The following MAP7 variants were observed in gnomAD, a reference collection of about 807,000 sequenced individuals.
The protein encoded by MAP7 is microtubule associated protein 7.
In MAP7, 52 loss-of-function variants were observed where a neutral mutation model predicts 94.8. That is an observed-to-expected ratio of 0.55 (90% confidence interval 0.44 to 0.69). The LOEUF is 0.69. Among genes scored for constraint, MAP7 ranks in the 30% least tolerant of loss-of-function variants. The probability of loss-of-function intolerance (pLI) is 0.00; values close to 1 mark genes in which losing one functional copy is unlikely to be tolerated. For missense variants in MAP7, 940 were observed against 964.6 expected (o/e 0.97, Z 0.34); for synonymous variants, 350 against 357.0 (o/e 0.98, Z 0.22).
intron 6 of MAP7, among the ~76,000 whole-genome samples, chr6:136,378,182 G>A (rs1341933641): frequency 2.0e-5 from 3 of 152,066 alleles, no homozygotes; most frequent in Non-Finnish European, 4.4e-5. Context: ...TATTGTTTTG[G>A]TGTATATCTA....
intron 10 of MAP7, chr6:136,364,186 A>G: frequency 2.0e-6 from 1 of 512,630 alleles, no homozygotes; most frequent in Admixed American, 2.0e-5. Flanking sequence ...CTCATTCTGC[A>G]TGAGGGTGAG....
intron 1 of MAP7, among the ~76,000 whole-genome samples, chr6:136,489,882 C>T (rs1178195674): frequency 6.6e-6 from 1 of 152,104 alleles, no homozygotes; most frequent in African/African-American, 2.4e-5. Context: ...AGACAAATCC[C>T]CATGGCAGTC....
At chr6:136,436,922 T>A (rs1375579214) in intron 1 of MAP7, among the ~76,000 whole-genome samples, 2 of 152,208 alleles carry the variant, frequency 1.3e-5, no homozygotes, top group African/African-American at 4.8e-5. Context: ...GCCTGCAGAA[T>A]GGTCAAATTA....
rs1198247942 is a variant in MAP7, at chr6:136,344,161, G to A, written c.*67C>T. ...GTGGAGGGGATGCTCCTTTATAGCAGGAAAGGAATTCCATTAATTGTAGAA... is the reference window on the plus strand; with the variant it reads ...GTGGAGGGGATGCTCCTTTATAGCAAGAAAGGAATTCCATTAATTGTAGAA... On this transcript the variant is annotated 3_prime_UTR_variant, in exon 18 of 18. Transcript: ENST00000354570. 2.4e-6 allele frequency: 2 copies of A among 828,834 alleles called. No homozygotes were observed. The highest frequency in any genetic ancestry group is 3.4e-5 in the Admixed American group (1 of 29,084). 51.3% of individuals were successfully genotyped at this position (828,834 alleles called of 1,614,324 possible).
intron 6 of MAP7, 57 bp downstream of exon 6, chr6:136,383,614 A>AG (rs1369009650): frequency 1.1e-6 from 1 of 951,528 alleles, no homozygotes; most frequent in South Asian, 1.8e-5. Context: ...GTAAACATCC[A>AG]GAAAAAAAAG....
chr6:136,512,171 C>T (rs903929217), intron 1 of MAP7, among the ~76,000 whole-genome samples: 3 of 152,214 alleles, frequency 2.0e-5, no homozygotes, highest in African/African-American at 7.2e-5. Context: ...AGACAGACTA[C>T]CTCTCCAGCT....
intron 1 of MAP7, among the ~76,000 whole-genome samples, chr6:136,499,163 G>A (rs976597310): frequency 2.2e-4 from 33 of 151,996 alleles, no homozygotes; most frequent in African/African-American, 7.3e-4. Flanking sequence ...CAGGTGATCC[G>A]CCTGCCTTGG....
At chr6:136,386,213 T>C (rs2128649293) in intron 5 of MAP7, among the ~76,000 whole-genome samples, 1 of 152,318 alleles carries the variant, frequency 6.6e-6, no homozygotes, top group African/African-American at 2.4e-5. Context: ...GGTATTGTTG[T>C]CAAGTAAAGG....
At chr6:136,399,649 T>C (rs1209506034) in intron 3 of MAP7, among the ~76,000 whole-genome samples, 1 of 152,190 alleles carries the variant, frequency 6.6e-6, no homozygotes, top group Admixed American at 6.5e-5. Context: ...CCACTGTGCC[T>C]GGTCCAGTTT....
intron 1 of MAP7, chr6:136,476,162 C>G (rs1810835885): frequency 1.3e-5 from 2 of 152,208 alleles, no homozygotes; most frequent in Non-Finnish European, 2.9e-5. Context: ...GTGTCCCACA[C>G]AGTGCCCTTG....
chr6:136,400,456 A>T (rs904555955), intron 3 of MAP7, among the ~76,000 whole-genome samples: 14 of 152,144 alleles, frequency 9.2e-5, no homozygotes, highest in East Asian at 1.9e-4. Flanking sequence ...AACATTTTTT[A>T]AAAAAAGCCA....
At chr6:136,486,544 G>C (rs1354655099) in intron 1 of MAP7, among the ~76,000 whole-genome samples, 2 of 152,214 alleles carry the variant, frequency 1.3e-5, no homozygotes, top group Non-Finnish European at 2.9e-5. Flanking sequence ...ATAGGCAGAA[G>C]AGACACTGAC....
chr6:136,533,701 G>C (rs552493378), intron 1 of MAP7, among the ~76,000 whole-genome samples: 1 of 152,298 alleles, frequency 6.6e-6, no homozygotes, highest in East Asian at 1.9e-4. Flanking sequence ...AGGGAAACAG[G>C]TGTGTCACAT....
chr6:136,351,659 T>C lies in MAP7; in HGVS notation c.2015+5033A>G, dbSNP rs142134246. On this transcript the variant is annotated intron_variant, in intron 16 of 17. Transcript: ENST00000354570. Reference sequence around the variant, plus strand: ...ATGCTGAAGAATCTCTGAAGAAATATGAATAAAATATTCAAACAGCTGAAG... The same window carrying C: ...ATGCTGAAGAATCTCTGAAGAAATACGAATAAAATATTCAAACAGCTGAAG... Among the ~76,000 whole-genome samples, 576 of 152,358 alleles carry C rather than the reference T, an allele frequency of 3.8e-3. 4 individuals are homozygous for C. The highest frequency in any genetic ancestry group is 0.013 in the African/African-American group (554 of 41,592).
At chr6:136,500,647 C>T (rs1819584860) in intron 1 of MAP7, among the ~76,000 whole-genome samples, 2 of 152,332 alleles carry the variant, frequency 1.3e-5, no homozygotes, top group African/African-American at 4.8e-5. Context: ...ACACTAAGTG[C>T]ATCTACCTGA....
At chr6:136,370,138 T>A (rs937529700) in intron 8 of MAP7, among the ~76,000 whole-genome samples, 3 of 152,328 alleles carry the variant, frequency 2.0e-5, no homozygotes, top group Admixed American at 6.5e-5. Flanking sequence ...TTTCTAACGA[T>A]GACACATGAA....
At chr6:136,458,449 A>G (rs1804083457) in intron 1 of MAP7, among the ~76,000 whole-genome samples, 1 of 152,098 alleles carries the variant, frequency 6.6e-6, no homozygotes. Flanking sequence ...ATGGAACCCC[A>G]AAGACTCTGA....
intron 1 of MAP7, among the ~76,000 whole-genome samples, chr6:136,504,800 C>A (rs1467952620): frequency 6.6e-6 from 1 of 152,242 alleles, no homozygotes; most frequent in Non-Finnish European, 1.5e-5. Flanking sequence ...TGTGCCCAGC[C>A]TCCCAAGGAG....
At chr6:136,480,474 C>T (rs1812397011) in intron 1 of MAP7, among the ~76,000 whole-genome samples, 1 of 151,696 alleles carries the variant, frequency 6.6e-6, no homozygotes, top group Non-Finnish European at 1.5e-5. Flanking sequence ...AACCCCATCT[C>T]TACTAAAAAT....
Sources: allele counts gnomAD v4.1 joint callset (sites outside exome capture counted in the v4.1 genomes callset), GRCh38; gene constraint gnomAD v4.1.1; transcripts MANE v1.5; gene names NCBI Gene and HGNC (gene_info 2026-07-23, HGNC 2026-07-21).